The following RYK variants were observed in gnomAD, a reference collection of about 807,000 sequenced individuals.
The protein encoded by RYK is inactive tyrosine-protein kinase RYK.
A neutral mutation model predicts 70.2 loss-of-function variants in RYK; 21 were observed. The ratio of observed to expected loss-of-function variants is 0.30; its 90% CI spans 0.21 to 0.43. The LOEUF (loss-of-function observed/expected upper bound fraction) is 0.43, where lower values mean the gene tolerates loss of function less well. Ranked by LOEUF, RYK falls within the 20% of genes least tolerant of loss-of-function variation. The probability of loss-of-function intolerance (pLI) is 1.00; values close to 1 mark genes in which losing one functional copy is unlikely to be tolerated. For synonymous variants in RYK, 267 were observed against 278.0 expected (o/e 0.96, Z 0.39); for missense variants, 604 against 753.3 (o/e 0.80, Z 2.32).
chr3:134,223,007 C>T (rs566986377), intron 1 of RYK, among the ~76,000 whole-genome samples: 9 of 152,294 alleles, frequency 5.9e-5, no homozygotes, highest in Non-Finnish European at 1.3e-4. Context: ...ATGACCTCCA[C>T]CTCCTCTGAC....
chr3:134,244,500 T>C (rs910183039), intron 1 of RYK, among the ~76,000 whole-genome samples: 8 of 152,156 alleles, frequency 5.3e-5, no homozygotes. Flanking sequence ...TTCTACTCAC[T>C]GTCCAAAAGG....
At position 134,189,023 on chromosome 3, in the gene RYK, T is replaced by A. The variant is rs2013560802; in HGVS notation, c.1016-100A>T. 4.6e-6 allele frequency: 3 copies of A among 650,526 alleles called. No individual in the cohort carries two copies. In the East Asian group the frequency reaches 9.1e-5, roughly 20 times the overall value. The allele number at this position is 650,526 out of a possible 1,614,324, so 40.3% of individuals were successfully genotyped here. The stretch of plus-strand genomic sequence containing the variant: ...ATAACATAAAACAAAAATAACAAGG[T>A]CATATGTGATCAACATTACTGTAGC... On this transcript the variant is annotated intron_variant, in intron 8 of 14. Coordinates refer to ENST00000623711, the MANE Select transcript of RYK (RefSeq NM_002958.4).
chr3:134,175,296 T>C (rs1212315268), intron 13 of RYK, among the ~76,000 whole-genome samples: 1 of 151,444 alleles, frequency 6.6e-6, no homozygotes, highest in Non-Finnish European at 1.5e-5. Flanking sequence ...TGAGCCAGGA[T>C]TGCGCCATTG....
chr3:134,180,603 TAGAATA>T (rs1422496561), intron 10 of RYK: 10 of 152,328 alleles, frequency 6.6e-5, no homozygotes, highest in South Asian at 2.1e-4. Flanking sequence ...CTGAATGAAT[TAGAATA>T]AAAGAATGAA....
intron 1 of RYK, among the ~76,000 whole-genome samples, chr3:134,226,122 A>G (rs958836152): frequency 1.3e-5 from 2 of 152,166 alleles, no homozygotes; most frequent in East Asian, 1.9e-4. Flanking sequence ...AAAGATTAAT[A>G]AAACAGTTAA....
At chr3:134,167,583 G>A (rs1278560383) in intron 13 of RYK, among the ~76,000 whole-genome samples, 1 of 152,210 alleles carries the variant, frequency 6.6e-6, no homozygotes, top group East Asian at 1.9e-4. Context: ...GTAGAAAGGT[G>A]AAACTGGATC....
intron 2 of RYK, among the ~76,000 whole-genome samples, chr3:134,214,776 T>C (rs186111362): frequency 2.0e-4 from 30 of 152,272 alleles, no homozygotes; most frequent in Non-Finnish European, 3.7e-4. Flanking sequence ...TCACACTCAA[T>C]GTTTTTGTCC....
At chr3:134,170,448 T>A (rs2012861419) in intron 13 of RYK, 1 of 152,208 alleles carries the variant, frequency 6.6e-6, no homozygotes, top group South Asian at 2.1e-4. Context: ...CTACATGTCA[T>A]GCCCTGTGCT....
chr3:134,230,051 A>G (rs889935982), intron 1 of RYK, among the ~76,000 whole-genome samples: 3 of 152,232 alleles, frequency 2.0e-5, no homozygotes, highest in Admixed American at 1.3e-4. Context: ...AAAAGAAAAG[A>G]AAACATATGT....
chr3:134,189,056 T>C (rs2013562424), intron 8 of RYK, 133 bp from the exon 9 acceptor site: 1 of 511,194 alleles, frequency 2.0e-6, no homozygotes, highest in Middle Eastern at 5.1e-4. Flanking sequence ...AGCCCTAGAG[T>C]AAAAAGACCC....
rs1416189775 is a variant in RYK, at chr3:134,250,442, G to C, written c.213C>G (p.Asp71Glu). The C allele has an allele frequency of 2.1e-6, 3 of 1,408,106 alleles. No individual in the cohort carries two copies. Among genetic ancestry groups the C allele is most frequent in the African/African-American group, 3.0e-5 (2 of 67,258 alleles). The allele number at this position is 1,408,106 out of a possible 1,614,324, so 87.2% of individuals were successfully genotyped here. A position where few individuals can be genotyped will look rare whatever the true frequency, so the allele number is the denominator to read the frequency against. Residue 71 changes from aspartate to glutamate, a missense_variant, in exon 1 of 15, where the codon GAC becomes GAG. This residue lies in a region of RYK where 466 missense variants were observed against 535.9 expected (regional missense o/e 0.87). Transcript: ENST00000623711. ...ACTCACCGATCAGCCGGCGCACCTC[G>C]TCCTCGCTCAGGTAGAGACTCACGC... is the stretch of plus-strand genomic sequence containing the variant. ...GPSVSLYLSE[D>E]EVRRLIGLDA...
At chr3:134,237,403 G>A (rs2015222262) in intron 1 of RYK, among the ~76,000 whole-genome samples, 1 of 152,068 alleles carries the variant, frequency 6.6e-6, no homozygotes, top group Admixed American at 6.6e-5. Flanking sequence ...ACAAGGCTGG[G>A]GTCTTAGTTT....
intron 7 of RYK, among the ~76,000 whole-genome samples, chr3:134,192,568 G>A (rs1363145669): frequency 1.3e-5 from 2 of 151,984 alleles, no homozygotes; most frequent in African/African-American, 4.8e-5. Context: ...AATTTAATAA[G>A]TTCCCTTAAT....
chr3:134,175,216 G>A (rs941717370), intron 13 of RYK, among the ~76,000 whole-genome samples: 14 of 152,064 alleles, frequency 9.2e-5, no homozygotes, highest in Non-Finnish European at 1.3e-4. Flanking sequence ...GGTGGCACAC[G>A]CCTGTAATCC....
chr3:134,239,925 GAA>G (rs2015279799), intron 1 of RYK, among the ~76,000 whole-genome samples: 1 of 152,184 alleles, frequency 6.6e-6, no homozygotes, highest in African/African-American at 2.4e-5. Context: ...AAGATTTGGG[GAA>G]AGAACGCAAG....
chr3:134,164,941 A>T (rs1406563354), intron 13 of RYK, among the ~76,000 whole-genome samples: 7 of 152,104 alleles, frequency 4.6e-5, no homozygotes. Context: ...ACAGTATCTC[A>T]TTGTGGTTTA....
At chr3:134,174,028 A>C (rs10804627) in intron 13 of RYK, among the ~76,000 whole-genome samples, 13,884 of 152,228 alleles carry the variant, frequency 0.091, 1,299 homozygotes, top group South Asian at 0.32. Context: ...ATTCTGGATT[A>C]TGTAAGTGGG....
chr3:134,182,926 A>T (rs969258689), intron 10 of RYK, 76 bp downstream of exon 10: 1 of 852,416 alleles, frequency 1.2e-6, no homozygotes, highest in African/African-American at 1.7e-5. Context: ...AAGTCATCAC[A>T]ATGTTCTGCA....
At chr3:134,200,800 G>GTA in intron 6 of RYK, among the ~76,000 whole-genome samples, 1 of 152,162 alleles carries the variant, frequency 6.6e-6, no homozygotes, top group Admixed American at 6.5e-5. Context: ...TCTAGAGTCC[G>GTA]TACTCTTGAC....
Sources: allele counts gnomAD v4.1 joint callset (sites outside exome capture counted in the v4.1 genomes callset), GRCh38; gene constraint gnomAD v4.1.1; regional missense constraint gnomAD v4.1.1; transcripts MANE v1.5; gene names NCBI Gene and HGNC (gene_info 2026-07-23, HGNC 2026-07-21).